The following PTPRT variants were observed in gnomAD, a reference collection of about 807,000 sequenced individuals.
PTPRT encodes protein tyrosine phosphatase receptor type T, also known as receptor-type tyrosine-protein phosphatase T.
A neutral mutation model predicts 176.8 loss-of-function variants in PTPRT; 56 were observed. The observed-to-expected ratio is 0.32, with a 90% CI of 0.26 to 0.40. PTPRT has a LOEUF of 0.40. Ranked by LOEUF, PTPRT falls within the 10% of genes least tolerant of loss-of-function variation. The pLI, the probability that PTPRT is intolerant of heterozygous loss-of-function variation, is 1.00. For synonymous variants in PTPRT, 783 were observed against 739.0 expected (o/e 1.06, Z -0.96); for missense variants, 1,540 against 1,908.2 (o/e 0.81, Z 3.60).
chr20:42,561,003 G>T (rs1201163436), intron 7 of PTPRT, among the ~76,000 whole-genome samples: 1 of 152,132 alleles, frequency 6.6e-6, no homozygotes, highest in Non-Finnish European at 1.5e-5. Context: ...GGAACAGAAG[G>T]TCTAGGAGGC....
chr20:43,171,593 C>T (rs2015002179), intron 1 of PTPRT, among the ~76,000 whole-genome samples: 1 of 152,118 alleles, frequency 6.6e-6, no homozygotes, highest in Non-Finnish European at 1.5e-5. Context: ...GCCAAAGACC[C>T]CACCCAGGAT....
intron 2 of PTPRT, among the ~76,000 whole-genome samples, chr20:42,849,700 G>A (rs772718949): frequency 1.4e-4 from 22 of 152,128 alleles, no homozygotes; most frequent in Non-Finnish European, 2.6e-4. Context: ...TTCCTCCTCT[G>A]AATCTTTCAG....
chr20:42,490,508 A>G (rs1005037817), intron 7 of PTPRT, among the ~76,000 whole-genome samples: 2 of 152,230 alleles, frequency 1.3e-5, no homozygotes, highest in East Asian at 3.9e-4. Flanking sequence ...TTTCTAGTTC[A>G]TTATTGCTGG....
chr20:42,269,966 T>C (rs2056902668), intron 13 of PTPRT, among the ~76,000 whole-genome samples: 1 of 152,166 alleles, frequency 6.6e-6, no homozygotes, highest in Non-Finnish European at 1.5e-5. Context: ...AAGCACTCCT[T>C]TGGCTGCACA....
At chr20:42,771,057 C>G (rs186604514) in intron 5 of PTPRT, among the ~76,000 whole-genome samples, 1 of 152,192 alleles carries the variant, frequency 6.6e-6, no homozygotes, top group Non-Finnish European at 1.5e-5. Context: ...AAGACAGCAT[C>G]GTTAGCCCAA....
At chr20:42,072,706 G>A (rs779350071), downstream of PTPRT, 16 of 193,254 alleles carry the variant, frequency 8.3e-5, no homozygotes, top group Non-Finnish European at 1.4e-4. Context: ...CCTTCAACTT[G>A]TCCCCACCTC....
rs147110712 is a variant in PTPRT, at chr20:42,226,977, C to A, written c.2342+9252G>T. Among the ~76,000 whole-genome samples the A allele has an allele frequency of 1.9e-3, 296 of 152,180 alleles. 1 individual carries two copies. Among genetic ancestry groups the A allele is most frequent in the South Asian group, 2.3e-3 (11 of 4,812 alleles). The stretch of plus-strand genomic sequence containing the variant: ...TTATCAGTGGGCAACAAAGTAATAA[C>A]CCCAATCAGTTGGTATGCAGAGTGT... On this transcript the variant is annotated intron_variant, in intron 15 of 30. Transcript: ENST00000373187.
At chr20:42,672,320 G>T (rs185160367) in intron 7 of PTPRT, among the ~76,000 whole-genome samples, 24 of 152,268 alleles carry the variant, frequency 1.6e-4, no homozygotes, top group Non-Finnish European at 3.1e-4. Context: ...TCCCATATTG[G>T]ATGCTTCCTG....
intron 7 of PTPRT, among the ~76,000 whole-genome samples, chr20:42,591,977 T>C (rs1173146289): frequency 1.8e-5 from 2 of 110,994 alleles, no homozygotes; most frequent in Admixed American, 8.3e-5. Flanking sequence ...TGGAGATTCT[T>C]TTTTTTTTTT....
At chr20:42,609,569 T>G (rs2073939256) in intron 7 of PTPRT, among the ~76,000 whole-genome samples, 1 of 152,186 alleles carries the variant, frequency 6.6e-6, no homozygotes, top group Admixed American at 6.5e-5. Context: ...AATCCAACAC[T>G]GACTCTTTGC....
chr20:42,128,926 C>A, intron 18 of PTPRT, 96 bp from the exon 19 acceptor site: 1 of 1,010,306 alleles, frequency 9.9e-7, no homozygotes, highest in Non-Finnish European at 1.4e-6. Context: ...GACTGCATAT[C>A]AGGCATTGTG....
intron 7 of PTPRT, among the ~76,000 whole-genome samples, chr20:42,493,694 G>A (rs2145385781): frequency 6.6e-6 from 1 of 152,228 alleles, no homozygotes; most frequent in Non-Finnish European, 1.5e-5. Context: ...AGCTGTCAGA[G>A]GGAAGAAGTG....
chr20:42,434,645 C>T (rs1056261467), intron 9 of PTPRT, among the ~76,000 whole-genome samples: 1 of 136,306 alleles, frequency 7.3e-6, no homozygotes, highest in African/African-American at 2.8e-5. Context: ...TAAGAAAAGC[C>T]CATCCCATCT....
chr20:42,906,282 C>T (rs373836263), intron 1 of PTPRT, among the ~76,000 whole-genome samples: 40 of 152,234 alleles, frequency 2.6e-4, no homozygotes, highest in Non-Finnish European at 5.0e-4. Flanking sequence ...GGAGGCTGAC[C>T]GTCAAAATGA....
intron 11 of PTPRT, among the ~76,000 whole-genome samples, chr20:42,324,139 A>C (rs1298757883): frequency 6.6e-6 from 1 of 152,228 alleles, no homozygotes; most frequent in African/African-American, 2.4e-5. Flanking sequence ...CAATTGGTGA[A>C]TGGGTAAACA....
chr20:42,955,845 G>GGGAGGGAGAA (rs149293601), intron 1 of PTPRT, among the ~76,000 whole-genome samples: 2 of 145,486 alleles, frequency 1.4e-5, no homozygotes, highest in South Asian at 4.6e-4. Flanking sequence ...GAAGGAGGGA[G>GGGAGGGAGAA]GGAGGGAGAA....
intron 1 of PTPRT, among the ~76,000 whole-genome samples, chr20:43,132,460 A>G (rs1200082580): frequency 1.3e-5 from 2 of 152,228 alleles, no homozygotes; most frequent in African/African-American, 2.4e-5. Context: ...AAAAGGAACT[A>G]CTGAATTCAG....
chr20:42,731,273 T>C (rs956911203), intron 6 of PTPRT, among the ~76,000 whole-genome samples: 2 of 152,222 alleles, frequency 1.3e-5, no homozygotes, highest in Non-Finnish European at 2.9e-5. Context: ...ATTTGAGTCT[T>C]CGCTGGGGCT....
At chr20:42,132,118 A>G (rs1468464198) in intron 18 of PTPRT, among the ~76,000 whole-genome samples, 2 of 152,196 alleles carry the variant, frequency 1.3e-5, no homozygotes, top group African/African-American at 2.4e-5. Flanking sequence ...TTTCTGGGAC[A>G]GTGGAAAGGT....
Sources: gnomAD v4.1 joint callset for allele counts (sites outside exome capture counted in the v4.1 genomes callset) on GRCh38, gnomAD v4.1.1 for gene constraint, MANE v1.5 for transcripts, NCBI Gene and HGNC (gene_info 2026-07-23, HGNC 2026-07-21) for gene names.